Variants in EYS observed in about 807,000 individuals in gnomAD.
EYS encodes the protein protein eyes shut homolog.
A neutral mutation model predicts 282.1 loss-of-function variants in EYS; 250 were observed. That is an observed-to-expected ratio of 0.89 (90% CI 0.80 to 0.98). The LOEUF is 0.98. EYS is among the 50% of genes least tolerant of loss of function. EYS has a pLI of 0.00. For synonymous variants in EYS, 1,355 were observed against 1,282.9 expected (o/e 1.06, Z -1.20); for missense variants, 4,016 against 3,709.0 (o/e 1.08, Z -2.15).
Position 65,470,814 on chromosome 6 carries a change from C to G in EYS, c.862+19780G>C, listed in dbSNP as rs114570126. Among the ~76,000 whole-genome samples, 7 of 152,102 alleles carry G rather than the reference C, an allele frequency of 4.6e-5. No individual in the cohort carries two copies. In the East Asian group the frequency reaches 9.7e-4, roughly 21 times the overall value. On this transcript the variant is annotated intron_variant, in intron 5 of 42. Transcript: ENST00000503581. ...CCAAGAAGAGAAATTGTTACCTACA[C>G]GCCAAAGTCACTTAAGAAGATGGAT...
chr6:64,042,117 A>G (rs554953074), intron 33 of EYS, among the ~76,000 whole-genome samples: 17 of 152,330 alleles, frequency 1.1e-4, no homozygotes, highest in African/African-American at 4.1e-4. Context: ...CGAGAGCGGA[A>G]ATTTCTTTAT....
At chr6:64,960,865 G>T (rs1048914205) in intron 14 of EYS, among the ~76,000 whole-genome samples, 3 of 151,958 alleles carry the variant, frequency 2.0e-5, no homozygotes, top group African/African-American at 4.8e-5. Context: ...TGTCCATGTG[G>T]TCTCATCATT....
At chr6:64,201,009 T>C (rs1042665342) in intron 31 of EYS, among the ~76,000 whole-genome samples, 8 of 152,264 alleles carry the variant, frequency 5.3e-5, no homozygotes, top group African/African-American at 1.9e-4. Context: ...TTCACCAAAC[T>C]CTGGAATTTT....
intron 2 of EYS, among the ~76,000 whole-genome samples, chr6:65,557,312 C>T (rs145898810): frequency 0.01 from 1,545 of 152,252 alleles, 30 homozygotes; most frequent in African/African-American, 0.035. Context: ...GGAGTGTGTG[C>T]GTGAAAGAGT....
At chr6:63,950,244 C>A (rs763521719) in intron 35 of EYS, among the ~76,000 whole-genome samples, 10 of 151,702 alleles carry the variant, frequency 6.6e-5, no homozygotes, top group Non-Finnish European at 1.5e-4. Context: ...CTTCTGGGCC[C>A]AAGCCTGCAC....
At chr6:64,829,279 G>A (rs914036456) in intron 19 of EYS, among the ~76,000 whole-genome samples, 1 of 151,988 alleles carries the variant, frequency 6.6e-6, no homozygotes, top group Non-Finnish European at 1.5e-5. Context: ...CCACAATGGT[G>A]GTACAACAGG....
At chr6:64,133,256 T>A (rs985653381) in intron 31 of EYS, among the ~76,000 whole-genome samples, 3 of 152,072 alleles carry the variant, frequency 2.0e-5, no homozygotes, top group African/African-American at 7.2e-5. Flanking sequence ...TACATGGACA[T>A]TTTTTAAAAT....
chr6:64,213,381 T>C (rs528849153), intron 31 of EYS, among the ~76,000 whole-genome samples: 1 of 152,160 alleles, frequency 6.6e-6, no homozygotes. Flanking sequence ...TGAAAATGTA[T>C]TTACTAGCAA....
chr6:65,035,721 G>A (rs1772746878), intron 13 of EYS, among the ~76,000 whole-genome samples: 1 of 151,660 alleles, frequency 6.6e-6, no homozygotes, highest in Non-Finnish European at 1.5e-5. Context: ...CTCATGAATT[G>A]GAAGAATCGT....
intron 22 of EYS, among the ~76,000 whole-genome samples, chr6:64,649,911 T>A (rs1023480348): frequency 6.6e-6 from 1 of 152,114 alleles, no homozygotes; most frequent in Non-Finnish European, 1.5e-5. Flanking sequence ...TTTGTGAGGG[T>A]ACCATGGACT....
At chr6:64,371,681 G>C (rs1477529029) in intron 29 of EYS, among the ~76,000 whole-genome samples, 1 of 152,140 alleles carries the variant, frequency 6.6e-6, no homozygotes, top group Non-Finnish European at 1.5e-5. Context: ...CTTGATCTAT[G>C]AATCTGAATG....
At chr6:64,096,749 A>G (rs1772632120) in intron 31 of EYS, among the ~76,000 whole-genome samples, 1 of 152,046 alleles carries the variant, frequency 6.6e-6, no homozygotes. Flanking sequence ...TCTTCTCTCA[A>G]TTCGTCAAAG....
At position 64,126,788 on chromosome 6, in the gene EYS, T is replaced by C. The variant is rs536169370; in HGVS notation, c.6425-44786A>G. Among the ~76,000 whole-genome samples, 10 of 151,782 alleles carry C rather than the reference T, an allele frequency of 6.6e-5. No individual in the cohort carries two copies. In the South Asian group the frequency reaches 1.0e-3, roughly 16 times the overall value. ...ACTGATGGTAATAATTGCATGTTTA[T>C]ATATTTACATATATTTAAAAATATA... On this transcript the variant is annotated intron_variant, in intron 31 of 42. Transcript: ENST00000503581.
chr6:63,833,522 A>G (rs1322928862), intron 36 of EYS, among the ~76,000 whole-genome samples: 1 of 152,206 alleles, frequency 6.6e-6, no homozygotes, highest in Non-Finnish European at 1.5e-5. Context: ...GGACCTCTTC[A>G]AGGAGAACTA....
chr6:64,657,031 G>C (rs372514386), intron 22 of EYS, among the ~76,000 whole-genome samples: 10 of 152,178 alleles, frequency 6.6e-5, no homozygotes, highest in African/African-American at 2.4e-4. Context: ...TATGAATCTG[G>C]GTCCTCCTGT....
At chr6:63,928,524 C>CTGTG (rs6149619) in intron 35 of EYS, among the ~76,000 whole-genome samples, 3 of 149,398 alleles carry the variant, frequency 2.0e-5, no homozygotes, top group African/African-American at 7.3e-5. Context: ...CACCTTTTGA[C>CTGTG]TGTGTGTGTG....
At chr6:64,429,067 ATC>A (rs1407577075) in intron 28 of EYS, among the ~76,000 whole-genome samples, 2 of 152,184 alleles carry the variant, frequency 1.3e-5, no homozygotes, top group East Asian at 3.9e-4. Flanking sequence ...AATAAAAAAT[ATC>A]TTTTTCTAGA....
intron 29 of EYS, among the ~76,000 whole-genome samples, chr6:64,328,579 A>T (rs1770516346): frequency 6.6e-6 from 1 of 152,214 alleles, no homozygotes; most frequent in Non-Finnish European, 1.5e-5. Context: ...TGTATGGTTA[A>T]TGTGGCATTT....
chr6:64,368,980 G>T (rs2150412487), intron 29 of EYS, among the ~76,000 whole-genome samples: 1 of 152,040 alleles, frequency 6.6e-6, no homozygotes, highest in Non-Finnish European at 1.5e-5. Context: ...TCCTTACCAG[G>T]TCCTATGTTG....
Sources: allele counts gnomAD v4.1 joint callset (sites outside exome capture counted in the v4.1 genomes callset), GRCh38; gene constraint gnomAD v4.1.1; transcripts MANE v1.5; gene names NCBI Gene and HGNC (gene_info 2026-07-23, HGNC 2026-07-21).